The following CAMK2G variants were observed in gnomAD, a reference collection of about 807,000 sequenced individuals.
The protein encoded by CAMK2G is calcium/calmodulin-dependent protein kinase type II subunit gamma.
Under a neutral mutation model 88.7 loss-of-function variants are expected in CAMK2G, and 23 were observed. The observed-to-expected ratio is 0.26, with a 90% CI of 0.19 to 0.37. The LOEUF is 0.37. Among genes scored for constraint, CAMK2G ranks in the 10% least tolerant of loss-of-function variants. CAMK2G has a pLI of 1.00. For missense variants in CAMK2G, 476 were observed against 780.8 expected (o/e 0.61, Z 4.65); for synonymous variants, 263 against 294.8 (o/e 0.89, Z 1.11).
intron 2 of CAMK2G, among the ~76,000 whole-genome samples, chr10:73,870,037 T>C (rs541010342): frequency 6.6e-6 from 1 of 152,296 alleles, no homozygotes; most frequent in Admixed American, 6.5e-5. Flanking sequence ...GGATATAAAA[T>C]GTTATGCTCC....
At chr10:73,837,959 T>C (rs2093412689) in intron 13 of CAMK2G, among the ~76,000 whole-genome samples, 1 of 152,100 alleles carries the variant, frequency 6.6e-6, no homozygotes, top group Admixed American at 6.5e-5. Flanking sequence ...AGTGTCACAG[T>C]TCACACAGGA....
intron 2 of CAMK2G, among the ~76,000 whole-genome samples, chr10:73,865,681 A>C (rs2135732170): frequency 6.6e-6 from 1 of 152,280 alleles, no homozygotes; most frequent in South Asian, 2.1e-4. Flanking sequence ...TCCAACCCCA[A>C]AAAGGGCGAG....
At chr10:73,868,086 G>C (rs1482547145) in intron 2 of CAMK2G, among the ~76,000 whole-genome samples, 1 of 152,168 alleles carries the variant, frequency 6.6e-6, no homozygotes, top group Non-Finnish European at 1.5e-5. Flanking sequence ...ATGGGATCAG[G>C]CCCTTGTTGG....
In CAMK2G at chr10:73,848,619, AAG is replaced by A. The variant is rs1565390372; in HGVS notation, c.518-12_518-11del. ...GGGGTGCCAGCAAAACCTGTAGCAA[AAG>A]AGAGGGCAGAGGCATACTGAACCCA... On this transcript the variant is annotated splice_polypyrimidine_tract_variant and intron_variant, in intron 7 of 22. Transcript: ENST00000423381. The surrounding 1 kb of genome is among the most constrained non-coding windows in gnomAD (Gnocchi z 4.5). 1.2e-5 allele frequency: 19 copies of A among 1,572,328 alleles called. No individual in the cohort carries two copies. The highest frequency in any genetic ancestry group is 1.7e-5 in the Non-Finnish European group (19 of 1,145,824).
chr10:73,864,509 G>C (rs996563987), intron 2 of CAMK2G, among the ~76,000 whole-genome samples: 9 of 152,146 alleles, frequency 5.9e-5, no homozygotes, highest in Non-Finnish European at 1.2e-4. Flanking sequence ...AGAGAAAGTG[G>C]GGAGTGCAGA....
chr10:73,853,074 C>T lies in CAMK2G; in HGVS notation c.275+118G>A, dbSNP rs534425779. On this transcript the variant is annotated intron_variant, in intron 4 of 22. Transcript: ENST00000423381. The stretch of plus-strand genomic sequence containing the variant: ...TCTGCCCCAGTCAAATCCTTTCCCT[C>T]GGACAAAGGAGGGGGCCCTGGGCGG... 1.3e-4 allele frequency: 120 copies of T among 926,800 alleles called. 2 individuals are homozygous for T. Among genetic ancestry groups the T allele is most frequent in the South Asian group, 1.2e-3 (79 of 68,282 alleles). The allele number at this position is 926,800 out of a possible 1,614,324, so 57.4% of individuals were successfully genotyped here. A position where few individuals can be genotyped will look rare whatever the true frequency, so the allele number is the denominator to read the frequency against.
chr10:73,817,789 T>C (rs1481788117), intron 19 of CAMK2G: 2 of 553,702 alleles, frequency 3.6e-6, no homozygotes, highest in African/African-American at 3.7e-5. Context: ...TTATGGTTCT[T>C]TGGCCTTTGC....
At chr10:73,825,440 T>C in intron 15 of CAMK2G, 93 bp from the exon 16 acceptor site, 1 of 963,720 alleles carries the variant, frequency 1.0e-6, no homozygotes, top group Non-Finnish European at 1.7e-6. Flanking sequence ...TGGTCTGGCC[T>C]GGAGGAGGTA....
intron 14 of CAMK2G, among the ~76,000 whole-genome samples, chr10:73,835,498 C>T (rs1444789071): frequency 2.0e-5 from 3 of 151,460 alleles, no homozygotes; most frequent in African/African-American, 7.3e-5. Flanking sequence ...AAGGTTTTGC[C>T]CAGGCTGGTC....
At chr10:73,817,839 T>G (rs1379730479) in intron 19 of CAMK2G, 1 of 499,992 alleles carries the variant, frequency 2.0e-6, no homozygotes, top group African/African-American at 1.9e-5. Context: ...AAAACACGCT[T>G]GCCTTTAACA....
chr10:73,863,246 A>T (rs1275903689), intron 2 of CAMK2G, among the ~76,000 whole-genome samples: 1 of 152,180 alleles, frequency 6.6e-6, no homozygotes, highest in African/African-American at 2.4e-5. Context: ...GCCTGGGTTC[A>T]GCATGACCAC....
chr10:73,835,133 T>A (rs2093038748), intron 14 of CAMK2G, among the ~76,000 whole-genome samples: 1 of 152,152 alleles, frequency 6.6e-6, no homozygotes, highest in South Asian at 2.1e-4. Context: ...CTGTCCTGGT[T>A]TGGATGTTTA....
intron 4 of CAMK2G, chr10:73,852,642 T>C: frequency 2.8e-6 from 1 of 363,236 alleles, no homozygotes; most frequent in Non-Finnish European, 5.1e-6. Context: ...GAGACCAACA[T>C]AAACACTAAA....
At chr10:73,837,394 A>C (rs1422753299) in intron 14 of CAMK2G, 74 bp downstream of exon 14, 2 of 1,146,980 alleles carry the variant, frequency 1.7e-6, no homozygotes, top group Non-Finnish European at 1.3e-6. Flanking sequence ...GAAAGGGGGA[A>C]CCAGGTGCCA....
At chr10:73,859,320 G>C (rs2095257984) in intron 3 of CAMK2G, among the ~76,000 whole-genome samples, 3 of 152,244 alleles carry the variant, frequency 2.0e-5, no homozygotes, top group African/African-American at 4.8e-5. Context: ...GCCATGCAAG[G>C]TGGGGGCTCA....
At chr10:73,873,631 G>C in intron 1 of CAMK2G, 1 of 553,402 alleles carries the variant, frequency 1.8e-6, no homozygotes, top group Non-Finnish European at 2.3e-6. Flanking sequence ...GGGAAGAGAG[G>C]ACACAGTCAG....
intron 10 of CAMK2G, among the ~76,000 whole-genome samples, chr10:73,843,587 C>G (rs747271268): frequency 1.5e-4 from 23 of 152,118 alleles, no homozygotes; most frequent in Non-Finnish European, 2.9e-4. Flanking sequence ...ATATTTCCCC[C>G]ATTCTTGGGT....
At chr10:73,872,846 C>G in intron 2 of CAMK2G, 143 bp downstream of exon 2, 1 of 710,344 alleles carries the variant, frequency 1.4e-6, no homozygotes, top group Non-Finnish European at 2.6e-6. Flanking sequence ...TGGCTTCAGC[C>G]TGACACAAAG....
At chr10:73,830,565 A>C (rs1371260026) in intron 14 of CAMK2G, among the ~76,000 whole-genome samples, 1 of 152,278 alleles carries the variant, frequency 6.6e-6, no homozygotes, top group Non-Finnish European at 1.5e-5. Context: ...TAATTCAAAT[A>C]GTACTTAGGG....
Sources: allele counts gnomAD v4.1 joint callset (sites outside exome capture counted in the v4.1 genomes callset), GRCh38; gene constraint gnomAD v4.1.1; non-coding constraint Gnocchi (gnomAD v3.1); transcripts MANE v1.5; gene names NCBI Gene and HGNC (gene_info 2026-07-23, HGNC 2026-07-21).